Variants in NLRP1 observed in about 807,000 individuals in gnomAD.
NLRP1 encodes NACHT, LRR and PYD domains-containing protein 1.
NLRP1 carries 94 observed loss-of-function variants against 136.7 expected under a neutral mutation model. The ratio of observed to expected loss-of-function variants is 0.69; its 90% confidence interval spans 0.58 to 0.82. The LOEUF (loss-of-function observed/expected upper bound fraction) is 0.82, where lower values mean the gene tolerates loss of function less well. NLRP1 is among the 40% of genes least tolerant of loss of function. The pLI, the probability that NLRP1 is intolerant of heterozygous loss-of-function variation, is 0.00. For missense variants in NLRP1, 1,575 were observed against 1,802.7 expected (o/e 0.87, Z 2.29); for synonymous variants, 690 against 725.1 (o/e 0.95, Z 0.78).
intron 8 of NLRP1, 100 bp from the exon 9 acceptor site, chr17:5,534,088 G>T: frequency 1.2e-6 from 1 of 841,364 alleles, no homozygotes. Flanking sequence ...CGGGTCGGGT[G>T]CAGTGGCTCA....
chr17:5,532,052 G>A (rs1018017988), intron 11 of NLRP1, among the ~76,000 whole-genome samples: 3 of 152,202 alleles, frequency 2.0e-5, no homozygotes, highest in Non-Finnish European at 2.9e-5. Flanking sequence ...AGACCAGCCT[G>A]TCCAATATGG....
intron 3 of NLRP1, among the ~76,000 whole-genome samples, chr17:5,569,355 C>G (rs1053893577): frequency 6.6e-6 from 1 of 152,124 alleles, no homozygotes; most frequent in African/African-American, 2.4e-5. Flanking sequence ...CATGGCCCAA[C>G]TGGATACTGT....
intron 5 of NLRP1, among the ~76,000 whole-genome samples, chr17:5,551,478 G>A (rs1427291676): frequency 6.6e-6 from 1 of 152,210 alleles, no homozygotes; most frequent in African/African-American, 2.4e-5. Flanking sequence ...GAACAAAGCT[G>A]CCATAAACAT....
chr17:5,501,776 T>C (rs1907097801), exon 16 of NLRP1: 1 of 1,581,150 alleles, frequency 6.3e-7, no homozygotes, highest in Non-Finnish European at 8.7e-7. Context: ...CACCAAGCCC[T>C]CTCTGGCTTC....
chr17:5,566,165 C>A (rs1407927691), intron 3 of NLRP1, among the ~76,000 whole-genome samples: 2 of 151,568 alleles, frequency 1.3e-5, no homozygotes, highest in African/African-American at 4.8e-5. Flanking sequence ...TTTTTAATTT[C>A]ATTTATTTCT....
intron 12 of NLRP1, chr17:5,529,892 C>A (rs929151847): frequency 9.3e-6 from 4 of 431,696 alleles, no homozygotes; most frequent in Non-Finnish European, 1.9e-5. Context: ...GCCTTGTTTC[C>A]CCTTTGTGAG....
At position 5,533,902 on chromosome 17, in the gene NLRP1, C is replaced by G. The variant is rs1284466715; in HGVS notation, c.3047G>C (p.Gly1016Ala). 5.6e-6 allele frequency: 9 copies of G among 1,608,370 alleles called. No homozygotes were observed. Among genetic ancestry groups the G allele is most frequent in the Non-Finnish European group, 7.7e-6 (9 of 1,175,970 alleles). Reference sequence around the variant, plus strand: ...GCCTTGCCCCTTCAAACTACCTGATCCGAGTCTCTGCCGCTTGAGTGAGGA... The same window carrying G: ...GCCTTGCCCCTTCAAACTACCTGATGCGAGTCTCTGCCGCTTGAGTGAGGA... The part of the protein sequence containing the change: ...STSSLKRQRL[G>A]SERAASHVAQ... Residue 1016 changes from glycine (G) to alanine (A), a missense_variant, in exon 9 of 17, where the codon GGA becomes GCA. Physicochemically the swap from Gly to Ala is moderately conservative, Grantham distance 60. Transcript: ENST00000572272.
chr17:5,570,764 G>A (rs913883370), intron 3 of NLRP1, among the ~76,000 whole-genome samples: 2 of 152,040 alleles, frequency 1.3e-5, no homozygotes, highest in African/African-American at 4.8e-5. Flanking sequence ...CATTCTATGA[G>A]TTTGGTATCA....
intron 5 of NLRP1, among the ~76,000 whole-genome samples, chr17:5,546,214 G>T (rs541057116): frequency 2.6e-5 from 4 of 152,310 alleles, no homozygotes; most frequent in African/African-American, 9.6e-5. Flanking sequence ...CAGTATCATG[G>T]ATCTGCCATG....
intron 14 of NLRP1, 185 bp from the exon 15 acceptor site, chr17:5,518,072 T>G: frequency 1.7e-6 from 1 of 588,396 alleles, no homozygotes; most frequent in Non-Finnish European, 3.0e-6. Flanking sequence ...AGGACACAAC[T>G]GAGTACCTCA....
chr17:5,559,433 C>T lies in NLRP1; in HGVS notation c.1263G>A (p.Glu421=). The change falls in exon 4 of 17, where the codon GAG becomes GAA. Residue 421 remains glutamate (E), a synonymous_variant. Transcript: ENST00000572272. The part of the protein sequence containing the change: ...GVDEPGWVLQ[E]PSSELCLHWS... Reference sequence around the variant, plus strand: ...AGTGCAGACAGAGCTCAGAACTCGGCTCCTGCAAGACCCATCCTGGCTCAT... The same window carrying T: ...AGTGCAGACAGAGCTCAGAACTCGGTTCCTGCAAGACCCATCCTGGCTCAT... 6.2e-7 allele frequency: 1 copy of T among 1,613,224 alleles called. No individual in the cohort carries two copies. Among genetic ancestry groups the T allele is most frequent in the Non-Finnish European group, 8.5e-7 (1 of 1,179,724 alleles).
chr17:5,529,406 G>C (rs544952347), intron 12 of NLRP1, among the ~76,000 whole-genome samples: 2 of 146,256 alleles, frequency 1.4e-5, no homozygotes, highest in African/African-American at 2.5e-5. Flanking sequence ...CTCGCTCTGT[G>C]GCCCAGGCTG....
At position 5,583,501 on chromosome 17, in the gene NLRP1, C is replaced by T. The variant is rs199476207; in HGVS notation, c.271+186G>A. 5.9e-5 allele frequency among the ~76,000 whole-genome samples: 9 copies of T among 152,134 alleles called. No individual in the cohort carries two copies. The highest frequency in any genetic ancestry group is 1.0e-4 in the Non-Finnish European group (7 of 67,978). ...TGGGGCTCTGAGGTGCAGCAAGGGC[C>T]CCCCCAGCAAGCCTCCTGGCTCCAG... is the stretch of plus-strand genomic sequence containing the variant. On this transcript the variant is annotated intron_variant, in intron 1 of 16. Coordinates refer to ENST00000572272, the MANE Select transcript of NLRP1 (RefSeq NM_033004.4). This position sits in a 1 kb window ranked among gnomAD's most constrained non-coding sequence, Gnocchi z 4.5.
chr17:5,554,293 G>A (rs534799652), intron 4 of NLRP1, among the ~76,000 whole-genome samples: 23 of 152,250 alleles, frequency 1.5e-4, no homozygotes, highest in African/African-American at 4.3e-4. Flanking sequence ...AGTAGACTCC[G>A]ACTCATGGAA....
chr17:5,521,858 CTT>C lies in NLRP1; in HGVS notation c.3521-74_3521-73del, dbSNP rs1330950605. 26 of 1,437,586 alleles carry C rather than the reference CTT, an allele frequency of 1.8e-5. No homozygotes were observed. The Admixed American group carries it at 5.1e-4, about 28-fold the overall frequency. The allele number at this position is 1,437,586 out of a possible 1,614,324, so 89.1% of individuals were successfully genotyped here. A position where few individuals can be genotyped will look rare whatever the true frequency, so the allele number is the denominator to read the frequency against. On this transcript the variant is annotated intron_variant, in intron 12 of 16. Transcript: ENST00000572272. ...TATTTTGTTGAGACAGAGTTTCGCT[CTT>C]GTCGCCCAGGCTGGAGTGCAATGGT...
At chr17:5,525,015 A>G (rs1909355743) in intron 12 of NLRP1, among the ~76,000 whole-genome samples, 1 of 152,160 alleles carries the variant, frequency 6.6e-6, no homozygotes, top group South Asian at 2.1e-4. Flanking sequence ...GATAGATTGG[A>G]GAGAGAAGGG....
At chr17:5,560,110 AAC>A in intron 3 of NLRP1, 67 bp from the exon 4 acceptor site, 1 of 1,388,128 alleles carries the variant, frequency 7.2e-7, no homozygotes, top group Non-Finnish European at 9.5e-7. Context: ...TTAATTAAAC[AAC>A]TGTTTTAGGC....
chr17:5,558,354 G>A lies in NLRP1; in HGVS notation c.2342C>T (p.Pro781Leu), dbSNP rs1459491673. The A allele has an allele frequency of 6.2e-7, 1 of 1,606,994 alleles. No homozygotes were observed. Among genetic ancestry groups the A allele is most frequent in the South Asian group, 1.1e-5 (1 of 90,290 alleles). Residue 781 changes from proline to leucine, a missense_variant, in exon 4 of 17, where the codon CCC becomes CTC. Physicochemically the swap from Pro to Leu is moderately conservative, Grantham distance 98 (BLOSUM62 -3). Coordinates refer to ENST00000572272, the MANE Select transcript of NLRP1 (RefSeq NM_033004.4). The part of the protein sequence containing the change: ...EGRQHRSTWS[P>L]TMVVLFRWVP... ...GGGTACTCACAGGACTACCATGGTG[G>A]GGCTCCATGTTGATCTGTGCTGCCT...
At chr17:5,512,211 A>C, downstream of NLRP1, 1 of 1,332,440 alleles carries the variant, frequency 7.5e-7, no homozygotes, top group Non-Finnish European at 1.1e-6. Flanking sequence ...CAGAGCCATG[A>C]AGTTGGCAAC....
Sources: allele counts gnomAD v4.1 joint callset (sites outside exome capture counted in the v4.1 genomes callset), GRCh38; gene constraint gnomAD v4.1.1; non-coding constraint Gnocchi (gnomAD v3.1); transcripts MANE v1.5; gene names NCBI Gene and HGNC (gene_info 2026-07-23, HGNC 2026-07-21).